Variants in MITF observed in about 807,000 individuals in gnomAD.
MITF encodes the protein microphthalmia-associated transcription factor.
In MITF, 17 loss-of-function variants were observed where a neutral mutation model predicts 60.5. The observed-to-expected ratio is 0.28, with a 90% CI of 0.19 to 0.42. The LOEUF (loss-of-function observed/expected upper bound fraction) is 0.42. Ranked by LOEUF, MITF falls within the 10% of genes least tolerant of loss-of-function variation. MITF has a pLI of 1.00. For synonymous variants in MITF, 260 were observed against 248.5 expected, an observed-to-expected ratio of 1.05 and a Z score of -0.43; for missense variants, 622 against 683.5, an observed-to-expected ratio of 0.91 and a Z score of 1.00.
At chr3:69,793,874 T>C (rs762386675) in intron 1 of MITF, among the ~76,000 whole-genome samples, 12 of 152,198 alleles carry the variant, frequency 7.9e-5, no homozygotes, top group Admixed American at 1.3e-4. Flanking sequence ...GTGTCCTCAT[T>C]TATAAGTTGT....
chr3:69,849,645 A>G (rs2063792271), intron 1 of MITF, among the ~76,000 whole-genome samples: 2 of 152,170 alleles, frequency 1.3e-5, no homozygotes, highest in Non-Finnish European at 2.9e-5. Flanking sequence ...CTTGGAATTG[A>G]GGCTAGTACT....
intron 9 of MITF, among the ~76,000 whole-genome samples, chr3:69,961,655 G>A (rs2066551532): frequency 6.6e-6 from 1 of 152,176 alleles, no homozygotes. Flanking sequence ...AACCCGGGAG[G>A]CAGAGGTTGC....
intron 1 of MITF, among the ~76,000 whole-genome samples, chr3:69,781,662 AGGTT>A (rs2062566390): frequency 6.6e-6 from 1 of 152,142 alleles, no homozygotes; most frequent in African/African-American, 2.4e-5. Context: ...ACACCCCCAA[AGGTT>A]GGTCCTACTG....
intron 1 of MITF, among the ~76,000 whole-genome samples, chr3:69,765,663 C>G (rs1208221135): frequency 1.3e-5 from 2 of 152,280 alleles, no homozygotes; most frequent in South Asian, 4.1e-4. Flanking sequence ...TGTTATCTTT[C>G]ATAAGAGAGT....
intron 1 of MITF, among the ~76,000 whole-genome samples, chr3:69,827,812 C>T (rs939132320): frequency 2.6e-5 from 4 of 152,048 alleles, no homozygotes; most frequent in African/African-American, 9.7e-5. Context: ...GACCAAGGCT[C>T]CAAATTAGTG....
rs962184325 is a variant in MITF at position 69,757,969 on chromosome 3, G to A, written c.104+18268G>A. Among the ~76,000 whole-genome samples, 3 of 150,214 alleles carry A rather than the reference G, an allele frequency of 2.0e-5. No homozygotes were observed. In the East Asian group the frequency reaches 5.9e-4, roughly 29 times the overall value. ...GGCCAGGGGAGGTCTTTCTGGGAGA[G>A]GAAAAGAACCTGGAGTTACCCTAGG... is the stretch of plus-strand genomic sequence containing the variant. On this transcript the variant is annotated intron_variant, in intron 1 of 9. Transcript: ENST00000352241.
At chr3:69,914,990 A>C (rs1025268620) in intron 2 of MITF, among the ~76,000 whole-genome samples, 2 of 152,186 alleles carry the variant, frequency 1.3e-5, no homozygotes, top group African/African-American at 4.8e-5. Flanking sequence ...ACTAAGCACA[A>C]GGGGGAGATA....
At chr3:69,918,953 A>G (rs1175075927) in intron 2 of MITF, among the ~76,000 whole-genome samples, 1 of 152,178 alleles carries the variant, frequency 6.6e-6, no homozygotes, top group African/African-American at 2.4e-5. Flanking sequence ...AAAATTTTGC[A>G]TTATTTAGCC....
chr3:69,857,035 A>G (rs2063930133), intron 1 of MITF, among the ~76,000 whole-genome samples: 1 of 151,940 alleles, frequency 6.6e-6, no homozygotes. Context: ...CATTTAACCT[A>G]TTGGTGAATA....
chr3:69,747,339 G>T (rs1308949068), intron 1 of MITF, among the ~76,000 whole-genome samples: 1 of 152,226 alleles, frequency 6.6e-6, no homozygotes, highest in Non-Finnish European at 1.5e-5. Flanking sequence ...GTATGATCAG[G>T]AATGACCTGT....
In MITF at chr3:69,967,869, A is replaced by G. The variant is rs1405098354; in HGVS notation, c.*2621A>G. On this transcript the variant is annotated 3_prime_UTR_variant, in exon 10 of 10. Transcript: ENST00000352241. ...AATTGTAACTCGGGGTTGGGCCTCT[A>G]TATGGAGTGACCAAAATGCCAAAAT... 2 of 233,226 alleles carry G rather than the reference A, an allele frequency of 8.6e-6. No homozygotes were observed. Among genetic ancestry groups the G allele is most frequent in the Non-Finnish European group, 1.7e-5 (2 of 117,924 alleles). 14.4% of individuals were successfully genotyped at this position (233,226 alleles called of 1,614,324 possible).
intron 1 of MITF, among the ~76,000 whole-genome samples, chr3:69,749,001 T>A (rs1703830695): frequency 6.6e-6 from 1 of 152,214 alleles, no homozygotes; most frequent in Non-Finnish European, 1.5e-5. Context: ...TATTCCTAAA[T>A]ACTAACTGAT....
intron 1 of MITF, among the ~76,000 whole-genome samples, chr3:69,852,888 A>C (rs1459079820): frequency 1.3e-5 from 2 of 152,166 alleles, no homozygotes; most frequent in African/African-American, 4.8e-5. Flanking sequence ...TGGTGAGTGC[A>C]TGAAGAGTAG....
At chr3:69,774,944 T>C (rs1347576846) in intron 1 of MITF, among the ~76,000 whole-genome samples, 90 of 152,186 alleles carry the variant, frequency 5.9e-4, no homozygotes, top group Admixed American at 5.8e-3. Flanking sequence ...ACTTTCACAT[T>C]GCATTGCTTC....
chr3:69,848,991 G>T, intron 1 of MITF, among the ~76,000 whole-genome samples: 2 of 118,208 alleles, frequency 1.7e-5, no homozygotes, highest in East Asian at 2.5e-4. Context: ...TTGAGACGGA[G>T]TCTCGCTCTG....
chr3:69,927,312 T>C (rs1467124248), intron 2 of MITF, among the ~76,000 whole-genome samples: 1 of 152,030 alleles, frequency 6.6e-6, no homozygotes, highest in Non-Finnish European at 1.5e-5. Context: ...ACGTGGGAGT[T>C]GAACAATGAG....
At chr3:69,749,067 G>C (rs981344189) in intron 1 of MITF, among the ~76,000 whole-genome samples, 3 of 152,282 alleles carry the variant, frequency 2.0e-5, no homozygotes, top group African/African-American at 7.2e-5. Context: ...TTGGAGATTT[G>C]AAATTTGGTG....
chr3:69,809,989 T>C (rs558438642), intron 1 of MITF, among the ~76,000 whole-genome samples: 11 of 152,196 alleles, frequency 7.2e-5, no homozygotes, highest in Non-Finnish European at 1.3e-4. Context: ...AGCAGTCTCT[T>C]TTGCTTGAGT....
chr3:69,915,620 C>A lies in MITF; in HGVS notation c.355-22202C>A, dbSNP rs2065317309. ...GTTTTTAATAGCTAGCAACAATAAGCAACTTTTGTTAATTTTGAAAGAAAA... is the reference window on the plus strand; with the variant it reads ...GTTTTTAATAGCTAGCAACAATAAGAAACTTTTGTTAATTTTGAAAGAAAA... On this transcript the variant is annotated intron_variant, in intron 2 of 9. Transcript: ENST00000352241. 2.0e-5 allele frequency among the ~76,000 whole-genome samples: 3 copies of A among 151,980 alleles called. No homozygotes were observed. The South Asian group carries it at 6.2e-4, about 32-fold the overall frequency.
Sources: gnomAD v4.1 joint callset for allele counts (sites outside exome capture counted in the v4.1 genomes callset) on GRCh38, gnomAD v4.1.1 for gene constraint, MANE v1.5 for transcripts, NCBI Gene and HGNC (gene_info 2026-07-23, HGNC 2026-07-21) for gene names.